CAVIN1: variants seen among roughly 807,000 people sequenced by gnomAD.
CAVIN1 encodes caveolae associated protein 1, also known as caveolae-associated protein 1.
In CAVIN1, 16 loss-of-function variants were observed where a neutral mutation model predicts 24.0. The ratio of observed to expected loss-of-function variants is 0.67; its 90% CI spans 0.45 to 1.01. CAVIN1 has a LOEUF of 1.01. Among genes scored for constraint, CAVIN1 ranks in the 50% least tolerant of loss-of-function variants. The pLI, the probability that CAVIN1 is intolerant of heterozygous loss-of-function variation, is 0.00. For synonymous variants in CAVIN1, 256 were observed against 256.4 expected (o/e 1.00, Z 0.02); for missense variants, 510 against 551.7 (o/e 0.92, Z 0.76).
intron 1 of CAVIN1, 102 bp from the exon 2 acceptor site, chr17:42,405,490 C>CCACGAGCGTCCCAT: frequency 8.2e-7 from 1 of 1,226,450 alleles, no homozygotes; most frequent in Non-Finnish European, 1.2e-6. Context: ...GAGCATGGGA[C>CCACGAGCGTCCCAT]GCTCGTGGTC....
chr17:42,423,172 G>A lies in CAVIN1; in HGVS notation c.-75C>T, dbSNP rs553730941. 9.2e-6 allele frequency: 11 copies of A among 1,199,778 alleles called. No individual in the cohort carries two copies. The highest frequency in any genetic ancestry group is 1.5e-5 in the South Asian group (1 of 65,110). 74.3% of individuals were successfully genotyped at this position (1,199,778 alleles called of 1,614,324 possible). ...GGGAGACCCGGAGAGAAGCAGGAGCGGAAGGGAGGAGAGCTAGCGGGCGAG... is the reference window on the plus strand; with the variant it reads ...GGGAGACCCGGAGAGAAGCAGGAGCAGAAGGGAGGAGAGCTAGCGGGCGAG... On this transcript the variant is annotated 5_prime_UTR_variant, in exon 1 of 2. Transcript: ENST00000357037.
At chr17:42,418,719 G>A (rs1303357899) in intron 1 of CAVIN1, among the ~76,000 whole-genome samples, 1 of 152,074 alleles carries the variant, frequency 6.6e-6, no homozygotes, top group Admixed American at 6.6e-5. Context: ...TTAAAGGAGT[G>A]GAATTGGGAT....
At chr17:42,420,271 T>A (rs1274903072) in intron 1 of CAVIN1, among the ~76,000 whole-genome samples, 4 of 152,182 alleles carry the variant, frequency 2.6e-5, no homozygotes, top group Non-Finnish European at 5.9e-5. Context: ...CTGCCCCCAA[T>A]CTTCCCTAAT....
At chr17:42,419,027 T>C (rs1023894687) in intron 1 of CAVIN1, among the ~76,000 whole-genome samples, 1 of 151,918 alleles carries the variant, frequency 6.6e-6, no homozygotes, top group Non-Finnish European at 1.5e-5. Context: ...CCCCGGACTC[T>C]ACAAATATGA....
Position 42,402,647 on chromosome 17 carries a change from C to T in CAVIN1, c.*2040G>A, listed in dbSNP as rs1442820225. 1.4e-5 allele frequency: 2 copies of T among 145,432 alleles called. No homozygotes were observed. The highest frequency in any genetic ancestry group is 2.0e-4 in the East Asian group (1 of 4,998). 9.0% of individuals were successfully genotyped at this position (145,432 alleles called of 1,614,324 possible). On this transcript the variant is annotated 3_prime_UTR_variant, in exon 2 of 2. Transcript: ENST00000357037. ...AGCCATTCAGAGGAGAGAAGAGAAC[C>T]GAGAAAGGGAAAAGGAAGAAAAAAA...
chr17:42,418,104 G>A (rs1246698865), intron 1 of CAVIN1, among the ~76,000 whole-genome samples: 1 of 152,106 alleles, frequency 6.6e-6, no homozygotes, highest in Non-Finnish European at 1.5e-5. Context: ...GCCTAGGTGT[G>A]CAGTAGGCTA....
intron 1 of CAVIN1, among the ~76,000 whole-genome samples, chr17:42,413,637 G>A (rs1398011791): frequency 1.6e-5 from 2 of 128,332 alleles, no homozygotes; most frequent in Admixed American, 8.4e-5. Flanking sequence ...GCAAACTCAA[G>A]CCCAAGAATT....
At chr17:42,411,858 C>T in intron 1 of CAVIN1, 1 of 985,358 alleles carries the variant, frequency 1.0e-6, no homozygotes. Context: ...CCCCTCCCAT[C>T]CCCACTGTAT....
intron 1 of CAVIN1, chr17:42,412,364 A>G (rs1021591790): frequency 4.0e-6 from 3 of 747,682 alleles, no homozygotes; most frequent in Admixed American, 6.3e-5. Context: ...AGGGGAGCAC[A>G]ATGTATTAGG....
chr17:42,423,041 G>C lies in CAVIN1; in HGVS notation c.57C>G (p.Ala19=), dbSNP rs1446105300. 6.2e-7 allele frequency: 1 copy of C among 1,610,436 alleles called. No individual in the cohort carries two copies. The highest frequency in any genetic ancestry group is 8.5e-7 in the Non-Finnish European group (1 of 1,178,924). Residue 19 remains alanine (A), a synonymous_variant, in exon 1 of 2, where the codon GCC becomes GCG. Transcript: ENST00000357037. ...VERPLPGYPD[A]EAPEPSSAGA... ...CAGCGGAGGAAGGCTCCGGGGCCTC[G>C]GCGTCGGGGTACCCGGGAAGCGGCC...
chr17:42,420,357 A>C (rs1598580316), intron 1 of CAVIN1, among the ~76,000 whole-genome samples: 1 of 152,332 alleles, frequency 6.6e-6, no homozygotes, highest in Middle Eastern at 3.4e-3. Context: ...GAGCAGGAGC[A>C]GCCTCTGCTT....
intron 1 of CAVIN1, among the ~76,000 whole-genome samples, chr17:42,418,650 C>T (rs968701902): frequency 9.9e-5 from 15 of 152,054 alleles, no homozygotes; most frequent in African/African-American, 2.4e-4. Flanking sequence ...TAAGATCTAA[C>T]GTTCAGTAGC....
At position 42,404,792 on chromosome 17, in the gene CAVIN1, C is replaced by T. The variant is rs1165180645; in HGVS notation, c.1068G>A (p.Gly356=). 2 of 1,602,452 alleles carry T rather than the reference C, an allele frequency of 1.2e-6. No individual in the cohort carries two copies. Among genetic ancestry groups the T allele is most frequent in the Non-Finnish European group, 8.5e-7 (1 of 1,174,462 alleles). ...TCCCGCGCCGCAGGTCGCCGGCCTC[C>T]CCGCGCTCCGCGCCGCCCTCGTCGT... ...ADDDEGGAER[G]EAGDLRRGSS... The change falls in exon 2 of 2, where the codon GGG becomes GGA. Residue 356 remains glycine, a synonymous_variant. Coordinates refer to ENST00000357037, the MANE Select transcript of CAVIN1 (RefSeq NM_012232.6).
intron 1 of CAVIN1, chr17:42,411,904 G>T: frequency 1.0e-6 from 1 of 985,370 alleles, no homozygotes; most frequent in Non-Finnish European, 1.2e-6. Flanking sequence ...TAACGCCAGT[G>T]TTCTCACAGT....
intron 1 of CAVIN1, among the ~76,000 whole-genome samples, chr17:42,412,560 A>ATT (rs60982549): frequency 0.077 from 9,731 of 125,630 alleles, 469 homozygotes; most frequent in African/African-American, 0.094. Flanking sequence ...AACCCGGCTA[A>ATT]TTTTTTTTTT....
chr17:42,418,551 C>T (rs559357468), intron 1 of CAVIN1, among the ~76,000 whole-genome samples: 1 of 152,226 alleles, frequency 6.6e-6, no homozygotes, highest in Admixed American at 6.5e-5. Flanking sequence ...ATTTTATCCC[C>T]ACTTTCTGGA....
chr17:42,415,177 T>C (rs1480658218), intron 1 of CAVIN1, among the ~76,000 whole-genome samples: 1 of 152,124 alleles, frequency 6.6e-6, no homozygotes, highest in Non-Finnish European at 1.5e-5. Context: ...GAGCCACAGC[T>C]AGCCCTAGCT....
chr17:42,405,307 C>T lies in CAVIN1; in HGVS notation c.553G>A (p.Glu185Lys), dbSNP rs1002670725. The T allele has an allele frequency of 1.9e-6, 3 of 1,611,906 alleles. No homozygotes were observed. Among genetic ancestry groups the T allele is most frequent in the East Asian group, 2.2e-5 (1 of 44,870 alleles). Residue 185 changes from glutamate to lysine, a missense_variant, in exon 2 of 2, where the codon GAG becomes AAG. Coordinates refer to ENST00000357037, the MANE Select transcript of CAVIN1 (RefSeq NM_012232.6). Reference sequence around the variant, plus strand: ...TCGGGCCGCTCGCCCTCGCCCAGCTCCTCGCCCTCCTTCTCTGGCAGCGCC... The same window carrying T: ...TCGGGCCGCTCGCCCTCGCCCAGCTTCTCGCCCTCCTTCTCTGGCAGCGCC... ...SEALPEKEGE[E>K]LGEGERPEED...
Position 42,418,768 on chromosome 17 carries a change from G to A in CAVIN1, c.471+3859C>T, listed in dbSNP as rs756645452. Among the ~76,000 whole-genome samples, 11 of 152,122 alleles carry A rather than the reference G, an allele frequency of 7.2e-5. No individual in the cohort carries two copies. The East Asian group carries it at 1.3e-3, about 19-fold the overall frequency. On this transcript the variant is annotated intron_variant, in intron 1 of 1. Transcript: ENST00000357037. ...GGAAATGATAAATGCTTGATATGAC[G>A]GATACTCTAATTACCCTGATTTGAT...
Sources: gnomAD v4.1 joint callset for allele counts (sites outside exome capture counted in the v4.1 genomes callset) on GRCh38, gnomAD v4.1.1 for gene constraint, MANE v1.5 for transcripts, NCBI Gene and HGNC (gene_info 2026-07-23, HGNC 2026-07-21) for gene names.